PSD3: variants seen among roughly 807,000 people sequenced by gnomAD.
PSD3 encodes PH and SEC7 domain-containing protein 3.
A neutral mutation model predicts 105.5 loss-of-function variants in PSD3; 49 were observed. The ratio of observed to expected loss-of-function variants is 0.46; its 90% CI spans 0.37 to 0.59. The LOEUF is 0.59. PSD3 is among the 20% of genes least tolerant of loss of function. The pLI, the probability that PSD3 is intolerant of heterozygous loss-of-function variation, is 0.00. For synonymous variants in PSD3, 557 were observed against 457.8 expected (o/e 1.22, Z -2.77); for missense variants, 1,561 against 1,263.8 (o/e 1.24, Z -3.57).
chr8:18,547,431 T>A (rs1436933648), intron 15 of PSD3, among the ~76,000 whole-genome samples: 2 of 152,120 alleles, frequency 1.3e-5, no homozygotes, highest in African/African-American at 4.8e-5. Context: ...CTGGTGGGGA[T>A]CTTTTGCTTA....
At chr8:18,653,104 C>T (rs1160453021) in intron 10 of PSD3, among the ~76,000 whole-genome samples, 2 of 152,130 alleles carry the variant, frequency 1.3e-5, no homozygotes, top group Non-Finnish European at 1.5e-5. Flanking sequence ...ACTTAGTTGA[C>T]CCATAATCCC....
At chr8:18,785,585 T>C (rs1171385284) in intron 8 of PSD3, among the ~76,000 whole-genome samples, 1 of 152,210 alleles carries the variant, frequency 6.6e-6, no homozygotes, top group Non-Finnish European at 1.5e-5. Flanking sequence ...CTTATTCTTG[T>C]GATCACCGGA....
At chr8:18,672,282 C>T (rs1208234783) in intron 9 of PSD3, among the ~76,000 whole-genome samples, 1 of 151,616 alleles carries the variant, frequency 6.6e-6, no homozygotes, top group East Asian at 1.9e-4. Context: ...AGTTAACGTG[C>T]ACAGTTTATT....
At chr8:18,828,002 G>A (rs1260539593) in intron 4 of PSD3, among the ~76,000 whole-genome samples, 2 of 139,088 alleles carry the variant, frequency 1.4e-5, no homozygotes, top group African/African-American at 5.4e-5. Context: ...CTCCATACAA[G>A]GTAGACAATT....
At chr8:19,049,515 C>A (rs1412696028) in intron 1 of PSD3, among the ~76,000 whole-genome samples, 1 of 151,834 alleles carries the variant, frequency 6.6e-6, no homozygotes, top group African/African-American at 2.4e-5. Context: ...CATAGCAAGA[C>A]CCTACCTCTG....
chr8:18,967,831 C>T (rs1035184505), intron 1 of PSD3, among the ~76,000 whole-genome samples: 4 of 152,152 alleles, frequency 2.6e-5, no homozygotes, highest in South Asian at 2.1e-4. Flanking sequence ...AATCAGGTGA[C>T]GGAAGATACA....
intron 9 of PSD3, among the ~76,000 whole-genome samples, chr8:18,738,490 G>A (rs528895176): frequency 3.3e-5 from 5 of 152,194 alleles, no homozygotes; most frequent in African/African-American, 1.2e-4. Flanking sequence ...CTTTTCCTGT[G>A]GACAGAATCT....
chr8:18,651,322 CAAT>C (rs1213504006), intron 10 of PSD3, among the ~76,000 whole-genome samples: 1 of 152,208 alleles, frequency 6.6e-6, no homozygotes, highest in Non-Finnish European at 1.5e-5. Flanking sequence ...TTCTAACACT[CAAT>C]AATTCTATCG....
intron 1 of PSD3, among the ~76,000 whole-genome samples, chr8:19,076,087 T>C (rs1829455641): frequency 7.8e-6 from 1 of 127,396 alleles, no homozygotes; most frequent in Non-Finnish European, 1.7e-5. Flanking sequence ...GATAGGTTGT[T>C]ATGGAGGATG....
chr8:18,962,082 C>T (rs547827085), intron 1 of PSD3, among the ~76,000 whole-genome samples: 21 of 152,162 alleles, frequency 1.4e-4, no homozygotes, highest in African/African-American at 4.6e-4. Context: ...CCCATCTCAA[C>T]TAAAAATACA....
chr8:18,955,060 C>T (rs1823479689), intron 1 of PSD3, among the ~76,000 whole-genome samples: 1 of 152,192 alleles, frequency 6.6e-6, no homozygotes, highest in African/African-American at 2.4e-5. Flanking sequence ...AGCAAATCAC[C>T]TTCAAATGTT....
intron 4 of PSD3, among the ~76,000 whole-genome samples, chr8:18,819,199 T>C (rs1812482046): frequency 6.6e-6 from 1 of 152,180 alleles, no homozygotes; most frequent in Non-Finnish European, 1.5e-5. Context: ...TAAACAGCTG[T>C]TGACAAAGCC....
At chr8:18,578,630 C>G (rs548409035) in intron 12 of PSD3, among the ~76,000 whole-genome samples, 1 of 151,922 alleles carries the variant, frequency 6.6e-6, no homozygotes, top group Non-Finnish European at 1.5e-5. Context: ...CTTAGACTGT[C>G]TCATTTGGAG....
chr8:18,743,959 T>TCACCACCACCACCACCACCACCAC (rs111311023), intron 9 of PSD3, among the ~76,000 whole-genome samples: 19 of 138,860 alleles, frequency 1.4e-4, no homozygotes, highest in East Asian at 8.8e-4. Context: ...ACTCTGTCTC[T>TCACCACCACCACCACCACCACCAC]CACCACCACC....
At chr8:18,725,253 A>T (rs1416000315) in intron 9 of PSD3, among the ~76,000 whole-genome samples, 6 of 152,154 alleles carry the variant, frequency 3.9e-5, no homozygotes, top group African/African-American at 1.4e-4. Flanking sequence ...AACTTAGAAA[A>T]TAGTAATCTT....
chr8:18,928,202 G>C (rs1193985750), intron 2 of PSD3, among the ~76,000 whole-genome samples: 2 of 152,196 alleles, frequency 1.3e-5, no homozygotes, highest in South Asian at 2.1e-4. Flanking sequence ...CATGCGGGCA[G>C]TTTCCCCCAT....
intron 4 of PSD3, among the ~76,000 whole-genome samples, chr8:18,837,087 A>G (rs1192708967): frequency 6.6e-6 from 1 of 152,124 alleles, no homozygotes. Flanking sequence ...ACAAGGTAGG[A>G]GTGAGGAGCT....
intron 1 of PSD3, among the ~76,000 whole-genome samples, chr8:18,999,684 A>T (rs1253433966): frequency 1.3e-5 from 2 of 152,014 alleles, no homozygotes; most frequent in East Asian, 3.9e-4. Context: ...ATAAAACTTT[A>T]CAAAATATTT....
chr8:18,566,111 G>C (rs753493515), intron 14 of PSD3, among the ~76,000 whole-genome samples: 1 of 152,116 alleles, frequency 6.6e-6, no homozygotes, highest in Non-Finnish European at 1.5e-5. Context: ...ATATCCCCAA[G>C]AGCCTCAGGT....
Sources: gnomAD v4.1 joint callset for allele counts (sites outside exome capture counted in the v4.1 genomes callset) on GRCh38, gnomAD v4.1.1 for gene constraint, MANE v1.5 for transcripts, NCBI Gene and HGNC (gene_info 2026-07-23, HGNC 2026-07-21) for gene names.